CCDC148: variants seen among roughly 807,000 people sequenced by gnomAD.
CCDC148 encodes the protein coiled-coil domain-containing protein 148.
A neutral mutation model predicts 85.7 loss-of-function variants in CCDC148; 89 were observed. The observed-to-expected ratio is 1.04, with a 90% CI of 0.87 to 1.24. CCDC148 has a LOEUF of 1.24. Ranked by LOEUF, CCDC148 falls within the 50% of genes most tolerant of loss-of-function variation. The pLI is 0.00. For missense variants in CCDC148, 692 were observed against 671.7 expected, an observed-to-expected ratio of 1.03 and a Z score of -0.33; for synonymous variants, 230 against 213.9, an observed-to-expected ratio of 1.08 and a Z score of -0.66.
chr2:158,349,557 G>T (rs943782356), intron 2 of CCDC148, among the ~76,000 whole-genome samples: 1 of 151,890 alleles, frequency 6.6e-6, no homozygotes, highest in Non-Finnish European at 1.5e-5. Context: ...ACTTTGAGTT[G>T]TATTTAATTT....
intron 13 of CCDC148, among the ~76,000 whole-genome samples, chr2:158,174,419 C>T (rs1684470926): frequency 6.6e-6 from 1 of 152,044 alleles, no homozygotes; most frequent in South Asian, 2.1e-4. Context: ...TCTATGAAGG[C>T]TCTGCCATTT....
At chr2:158,312,599 C>CAAAA (rs1182789527) in intron 8 of CCDC148, among the ~76,000 whole-genome samples, 7 of 135,494 alleles carry the variant, frequency 5.2e-5, no homozygotes, top group Non-Finnish European at 7.9e-5. Flanking sequence ...AAAAAAAAAC[C>CAAAA]AAAAAACAAA....
intron 10 of CCDC148, among the ~76,000 whole-genome samples, chr2:158,246,726 A>C (rs1330669744): frequency 2.6e-5 from 4 of 152,180 alleles, no homozygotes; most frequent in African/African-American, 9.6e-5. Flanking sequence ...TAGGGACTAG[A>C]TACACCATAA....
At chr2:158,440,804 C>T (rs1559147621) in intron 1 of CCDC148, among the ~76,000 whole-genome samples, 1 of 152,096 alleles carries the variant, frequency 6.6e-6, no homozygotes, top group African/African-American at 2.4e-5. Flanking sequence ...AAGGAATGAA[C>T]TAATGTTGAA....
intron 2 of CCDC148, among the ~76,000 whole-genome samples, chr2:158,353,733 G>C (rs1683459252): frequency 6.6e-6 from 1 of 152,130 alleles, no homozygotes; most frequent in Non-Finnish European, 1.5e-5. Flanking sequence ...AGACCTAATA[G>C]ATATCTACAG....
intron 10 of CCDC148, among the ~76,000 whole-genome samples, chr2:158,249,733 T>C (rs76829659): frequency 0.052 from 7,928 of 152,188 alleles, 508 homozygotes; most frequent in African/African-American, 0.14. Context: ...AATACATAGT[T>C]CCTTTACCTC....
intron 1 of CCDC148, among the ~76,000 whole-genome samples, chr2:158,410,699 A>G (rs192101894): frequency 2.2e-3 from 332 of 152,260 alleles, no homozygotes; most frequent in African/African-American, 3.4e-3. Context: ...TTGTGTATCC[A>G]TTAACAAATA....
intron 1 of CCDC148, among the ~76,000 whole-genome samples, chr2:158,404,849 C>A (rs868640849): frequency 6.6e-6 from 1 of 152,122 alleles, no homozygotes; most frequent in Non-Finnish European, 1.5e-5. Context: ...TCAACCAATC[C>A]ATTCTGAAAA....
intron 7 of CCDC148, among the ~76,000 whole-genome samples, chr2:158,327,376 A>C (rs1559072415): frequency 6.6e-6 from 1 of 152,218 alleles, no homozygotes; most frequent in Non-Finnish European, 1.5e-5. Flanking sequence ...TTATGACTAC[A>C]TATTATATGA....
intron 11 of CCDC148, among the ~76,000 whole-genome samples, chr2:158,213,198 A>T (rs1282864945): frequency 2.6e-5 from 4 of 152,156 alleles, no homozygotes. Flanking sequence ...AGTTCTTAGA[A>T]CCTGTAGCAT....
chr2:158,327,828 T>A (rs1466002876), intron 7 of CCDC148, among the ~76,000 whole-genome samples: 2 of 152,142 alleles, frequency 1.3e-5, no homozygotes, highest in African/African-American at 4.8e-5. Context: ...CATTTGAAAT[T>A]TTTTTCCTAT....
intron 9 of CCDC148, among the ~76,000 whole-genome samples, chr2:158,294,963 G>T (rs1691106318): frequency 6.6e-6 from 1 of 152,014 alleles, no homozygotes; most frequent in South Asian, 2.1e-4. Flanking sequence ...TTTCTGATAG[G>T]TAATACTAAT....
intron 7 of CCDC148, among the ~76,000 whole-genome samples, chr2:158,316,043 T>C (rs1370073726): frequency 6.6e-6 from 1 of 152,194 alleles, no homozygotes; most frequent in Non-Finnish European, 1.5e-5. Context: ...TAGGAATCCC[T>C]GTCTCAGCTT....
intron 1 of CCDC148, among the ~76,000 whole-genome samples, chr2:158,438,001 C>T (rs1687745067): frequency 6.6e-6 from 1 of 152,162 alleles, no homozygotes; most frequent in Non-Finnish European, 1.5e-5. Flanking sequence ...AAGAACATTC[C>T]ATGCCCATGG....
chr2:158,268,456 T>C (rs865818307), intron 9 of CCDC148, among the ~76,000 whole-genome samples: 1 of 152,160 alleles, frequency 6.6e-6, no homozygotes. Flanking sequence ...TCCAGATTTA[T>C]TGAGGTATAA....
At chr2:158,277,724 G>A (rs949513878) in intron 9 of CCDC148, among the ~76,000 whole-genome samples, 2 of 152,102 alleles carry the variant, frequency 1.3e-5, no homozygotes, top group African/African-American at 2.4e-5. Context: ...AGCCTCCCGA[G>A]TAGCTGGGAC....
At chr2:158,448,863 T>C (rs1162436639) in intron 1 of CCDC148, among the ~76,000 whole-genome samples, 1 of 152,218 alleles carries the variant, frequency 6.6e-6, no homozygotes, top group Non-Finnish European at 1.5e-5. Context: ...AGTCTTGCTC[T>C]GTCACCCAGG....
At chr2:158,441,514 T>C (rs1186154809) in intron 1 of CCDC148, among the ~76,000 whole-genome samples, 1 of 152,134 alleles carries the variant, frequency 6.6e-6, no homozygotes, top group East Asian at 1.9e-4. Context: ...ATTTCTGACA[T>C]GACCATGCAA....
intron 11 of CCDC148, among the ~76,000 whole-genome samples, chr2:158,187,812 C>T (rs1287994942): frequency 6.6e-6 from 1 of 152,030 alleles, no homozygotes; most frequent in Middle Eastern, 3.2e-3. Flanking sequence ...ACAATCAGTG[C>T]ACAAATATCT....
Sources: allele counts gnomAD v4.1 joint callset (sites outside exome capture counted in the v4.1 genomes callset), GRCh38; gene constraint gnomAD v4.1.1; transcripts MANE v1.5; gene names NCBI Gene and HGNC (gene_info 2026-07-23, HGNC 2026-07-21).